CAMTA1: variants seen among roughly 807,000 people sequenced by gnomAD.
CAMTA1 encodes calmodulin binding transcription activator 1, also known as calmodulin-binding transcription activator 1.
Under a neutral mutation model 170.9 loss-of-function variants are expected in CAMTA1, and 27 were observed. The ratio of observed to expected loss-of-function variants is 0.16; its 90% CI spans 0.12 to 0.22. CAMTA1 has a LOEUF of 0.22. Ranked by LOEUF, CAMTA1 falls within the 10% of genes least tolerant of loss-of-function variation. CAMTA1 has a pLI of 1.00. For missense variants in CAMTA1, 1,619 were observed against 2,217.2 expected, an observed-to-expected ratio of 0.73 and a Z score of 5.42; for synonymous variants, 833 against 891.5, an observed-to-expected ratio of 0.93 and a Z score of 1.17.
intron 4 of CAMTA1, among the ~76,000 whole-genome samples, chr1:7,118,533 G>A (rs969264418): frequency 7.9e-5 from 12 of 151,834 alleles, no homozygotes; most frequent in Admixed American, 6.6e-5. Context: ...CCACAAGAGT[G>A]GGATGGCTGT....
intron 3 of CAMTA1, chr1:6,871,697 G>A (rs1668449484): frequency 7.0e-7 from 1 of 1,419,700 alleles, no homozygotes; most frequent in African/African-American, 1.4e-5. Context: ...CTTTTCAAGA[G>A]CTTGATTTTA....
chr1:7,191,151 A>T lies in CAMTA1; in HGVS notation c.303-58340A>T, dbSNP rs1430532374. Among the ~76,000 whole-genome samples the T allele has an allele frequency of 1.2e-4, 19 of 152,226 alleles. 1 individual carries two copies. Among genetic ancestry groups the T allele is most frequent in the Admixed American group, 1.2e-3 (19 of 15,284 alleles). Reference sequence around the variant, plus strand: ...TATAAGAGCCCTTGGGCATGGGAAGAGTGCCAGGAGCTTGTCAGCCATCTC... The same window carrying T: ...TATAAGAGCCCTTGGGCATGGGAAGTGTGCCAGGAGCTTGTCAGCCATCTC... On this transcript the variant is annotated intron_variant, in intron 4 of 22. Transcript: ENST00000303635.
intron 3 of CAMTA1, among the ~76,000 whole-genome samples, chr1:6,833,865 T>TAG (rs2148616168): frequency 6.6e-6 from 1 of 152,344 alleles, no homozygotes; most frequent in African/African-American, 2.4e-5. Context: ...TATATGGACT[T>TAG]ACAGCCCCTT....
At chr1:6,830,807 TTTTG>T (rs1042329152) in intron 3 of CAMTA1, among the ~76,000 whole-genome samples, 10 of 151,660 alleles carry the variant, frequency 6.6e-5, no homozygotes, top group Non-Finnish European at 1.0e-4. Flanking sequence ...GAGAGTATTT[TTTTG>T]TTTGTTTGTT....
At chr1:7,466,806 T>A (rs2093221494) in intron 5 of CAMTA1, among the ~76,000 whole-genome samples, 1 of 152,110 alleles carries the variant, frequency 6.6e-6, no homozygotes, top group African/African-American at 2.4e-5. Context: ...AAGAAAAGCT[T>A]TGCCCCTGGC....
chr1:7,276,292 TATATATATATA>T lies in CAMTA1; in HGVS notation c.438+26667_438+26677del, dbSNP rs151263862. On this transcript the variant is annotated intron_variant, in intron 5 of 22. Coordinates refer to ENST00000303635, the MANE Select transcript of CAMTA1 (RefSeq NM_015215.4). ...CTACACCTGATCATATATATATATATATATATATATATTTTTTTTTTTTTTTTTTCTTTTTG... is the reference window on the plus strand; with the variant it reads ...CTACACCTGATCATATATATATATATTTTTTTTTTTTTTTTTTTCTTTTTG... Among the ~76,000 whole-genome samples the T allele has an allele frequency of 5.2e-4, 25 of 47,794 alleles. 1 individual carries two copies. The highest frequency in any genetic ancestry group is 7.7e-4 in the Non-Finnish European group (22 of 28,754). The allele number at this position is 47,794 out of a possible 152,430, so 31.4% of individuals were successfully genotyped here.
At chr1:7,612,817 G>T (rs944028981) in intron 6 of CAMTA1, among the ~76,000 whole-genome samples, 2 of 152,212 alleles carry the variant, frequency 1.3e-5, no homozygotes, top group African/African-American at 2.4e-5. Flanking sequence ...ACCACCCTTT[G>T]CAGGTTAAGA....
Position 7,492,287 on chromosome 1 carries a change from C to T in CAMTA1, c.510+24386C>T, listed in dbSNP as rs113331553. 4.3e-3 allele frequency among the ~76,000 whole-genome samples: 661 copies of T among 152,282 alleles called. 5 individuals are homozygous for T. The highest frequency in any genetic ancestry group is 5.6e-3 in the Non-Finnish European group (381 of 68,010). On this transcript the variant is annotated intron_variant, in intron 6 of 22. Transcript: ENST00000303635. Reference sequence around the variant, plus strand: ...TGAAGAGGATAAAAGGAAGGCACTACGGGGGCCCAGGACCTGCTCTGCCCT... The same window carrying T: ...TGAAGAGGATAAAAGGAAGGCACTATGGGGGCCCAGGACCTGCTCTGCCCT...
chr1:7,103,488 T>A (rs1434579644), intron 4 of CAMTA1, among the ~76,000 whole-genome samples: 1 of 125,678 alleles, frequency 8.0e-6, no homozygotes, highest in African/African-American at 3.3e-5. Context: ...ACTACACACG[T>A]ACACACAACA....
In CAMTA1 at chr1:6,936,913, G is replaced by A. The variant is rs191701437; in HGVS notation, c.234+111703G>A. ...TGAAGCAGGAGAATGGCGTGAACCC[G>A]AGAGGTGGAGCTTGCAGTGAGCCGA... On this transcript the variant is annotated intron_variant, in intron 3 of 22. Coordinates refer to ENST00000303635, the MANE Select transcript of CAMTA1 (RefSeq NM_015215.4). Among the ~76,000 whole-genome samples, 304 of 152,174 alleles carry A rather than the reference G, an allele frequency of 2.0e-3. 2 individuals carry two copies. The highest frequency in any genetic ancestry group is 7.0e-3 in the African/African-American group (289 of 41,506).
intron 3 of CAMTA1, among the ~76,000 whole-genome samples, chr1:6,849,421 G>A (rs1196634643): frequency 6.6e-6 from 1 of 152,006 alleles, no homozygotes. Context: ...ATGAACTGAA[G>A]GAGGCTGGAA....
chr1:7,271,679 C>T (rs1558338497), intron 5 of CAMTA1, among the ~76,000 whole-genome samples: 1 of 150,482 alleles, frequency 6.6e-6, no homozygotes, highest in African/African-American at 2.4e-5. Context: ...TATGAGACCC[C>T]AAAAAGGGAG....
At chr1:6,875,364 T>C (rs1669535880) in intron 3 of CAMTA1, among the ~76,000 whole-genome samples, 1 of 152,166 alleles carries the variant, frequency 6.6e-6, no homozygotes. Context: ...CGATCTCAGC[T>C]CACTGCAACC....
chr1:7,654,004 T>G (rs1165332156), intron 7 of CAMTA1, among the ~76,000 whole-genome samples: 2 of 152,090 alleles, frequency 1.3e-5, no homozygotes, highest in African/African-American at 4.8e-5. Context: ...GAGTCTGTGA[T>G]TCGGTGGGTT....
intron 16 of CAMTA1, 43 bp from the exon 17 acceptor site, chr1:7,744,792 G>A (rs1340684879): frequency 1.0e-5 from 16 of 1,564,544 alleles, no homozygotes; most frequent in Non-Finnish European, 1.4e-5. Context: ...TAACTTGTAA[G>A]GTTCCTTTCT....
rs562012887 is a variant in CAMTA1, at chr1:7,680,262, T to G, written c.2914+2529T>G. The G allele has an allele frequency of 4.4e-6, 1 of 226,570 alleles. No homozygotes were observed. Among genetic ancestry groups the G allele is most frequent in the Non-Finnish European group, 9.5e-6 (1 of 105,164 alleles). 14.0% of individuals were successfully genotyped at this position (226,570 alleles called of 1,614,324 possible). A position where few individuals can be genotyped will look rare whatever the true frequency, so the allele number is the denominator to read the frequency against. Reference sequence around the variant, plus strand: ...TGTCCCTCCCGGCCCCTCCCCTCGGTCTCCGCAGCTTCTCGGCTCAGCCCC... The same window carrying G: ...TGTCCCTCCCGGCCCCTCCCCTCGGGCTCCGCAGCTTCTCGGCTCAGCCCC... On this transcript the variant is annotated intron_variant, in intron 11 of 22. Transcript: ENST00000303635. This position sits in a 1 kb window ranked among gnomAD's most constrained non-coding sequence, Gnocchi z 4.4.
intron 5 of CAMTA1, among the ~76,000 whole-genome samples, chr1:7,448,731 C>G (rs2092740577): frequency 1.3e-5 from 2 of 152,208 alleles, no homozygotes; most frequent in Admixed American, 6.5e-5. Context: ...CCTCCAGCCT[C>G]TTTTTATAAG....
chr1:7,360,280 G>C (rs922050501), intron 5 of CAMTA1, among the ~76,000 whole-genome samples: 16 of 152,208 alleles, frequency 1.1e-4, no homozygotes, highest in African/African-American at 3.9e-4. Context: ...GCTACAAAAA[G>C]GGAGGTGCAT....
intron 4 of CAMTA1, among the ~76,000 whole-genome samples, chr1:7,107,311 C>A (rs1229162426): frequency 1.1e-5 from 1 of 90,378 alleles, no homozygotes; most frequent in Non-Finnish European, 2.1e-5. Context: ...TGCGCGCCCA[C>A]ACACACAGCT....
Sources: allele counts gnomAD v4.1 joint callset (sites outside exome capture counted in the v4.1 genomes callset), GRCh38; gene constraint gnomAD v4.1.1; non-coding constraint Gnocchi (gnomAD v3.1); transcripts MANE v1.5; gene names NCBI Gene and HGNC (gene_info 2026-07-23, HGNC 2026-07-21).